The following AFF2 variants were observed in gnomAD, a reference collection of about 807,000 sequenced individuals.
AFF2 encodes the protein ALF transcription elongation factor 2.
Under a neutral mutation model 76.9 loss-of-function variants are expected in AFF2, and 14 were observed. The ratio of observed to expected loss-of-function variants is 0.18; its 90% confidence interval spans 0.12 to 0.28. The LOEUF (loss-of-function observed/expected upper bound fraction) is 0.28. Among genes scored for constraint, AFF2 ranks in the 10% least tolerant of loss-of-function variants. The pLI, the probability that AFF2 is intolerant of heterozygous loss-of-function variation, is 1.00. For missense variants in AFF2, 868 were observed against 1,001.1 expected (o/e 0.87, Z 1.79); for synonymous variants, 398 against 366.7 (o/e 1.09, Z -0.98).
chrX:148,680,514 CG>C (rs1603275599), intron 3 of AFF2, among the ~76,000 whole-genome samples: 1 of 110,392 alleles, frequency 9.1e-6, no homozygotes, highest in Non-Finnish European at 1.9e-5. Context: ...AGCGTGGTTT[CG>C]GTAGGTAACA....
intron 3 of AFF2, among the ~76,000 whole-genome samples, chrX:148,746,640 T>C (rs2055423580): frequency 8.9e-6 from 1 of 112,698 alleles, no homozygotes; most frequent in African/African-American, 3.2e-5. Flanking sequence ...TTTTGTCAAT[T>C]CTCCCATTCA....
chrX:148,651,773 T>A (rs181035565), intron 1 of AFF2, among the ~76,000 whole-genome samples: 1 of 111,451 alleles, frequency 9.0e-6, no homozygotes, highest in African/African-American at 3.3e-5. Context: ...GTCATGAATA[T>A]CATTTCAAAT....
chrX:148,940,674 C>T (rs2071823202), intron 9 of AFF2, among the ~76,000 whole-genome samples: 1 of 111,424 alleles, frequency 9.0e-6, no homozygotes, highest in Non-Finnish European at 1.9e-5. Context: ...TCAGGATTGT[C>T]ATTCCTCTTG....
intron 1 of AFF2, among the ~76,000 whole-genome samples, chrX:148,546,657 A>T (rs1285958489): frequency 8.9e-6 from 1 of 112,371 alleles, no homozygotes; most frequent in African/African-American, 3.2e-5. Flanking sequence ...CTGCTTCAAT[A>T]GTATTATAAG....
At chrX:148,824,713 C>T (rs183539517) in intron 4 of AFF2, among the ~76,000 whole-genome samples, 12 of 111,429 alleles carry the variant, frequency 1.1e-4, no homozygotes, top group South Asian at 3.7e-4. Flanking sequence ...CATTGGGTTG[C>T]GTGTGGCATG....
In AFF2 at chrX:148,945,781, G is replaced by A. The variant is rs782777166; in HGVS notation, c.1398-7799G>A. 8.3e-4 allele frequency among the ~76,000 whole-genome samples: 93 copies of A among 112,281 alleles called. 1 individual carries two copies. Among genetic ancestry groups the A allele is most frequent in the Non-Finnish European group, 6.4e-4 (34 of 53,257 alleles). The stretch of plus-strand genomic sequence containing the variant: ...GGAAACTGAGACCCTTATGTTAAGT[G>A]CCTAGCCTAAGGTCATACACTGATG... On this transcript the variant is annotated intron_variant, in intron 9 of 20. Coordinates refer to ENST00000370460, the MANE Select transcript of AFF2 (RefSeq NM_002025.4).
At chrX:148,759,038 C>G (rs1233900355) in intron 3 of AFF2, among the ~76,000 whole-genome samples, 2 of 111,764 alleles carry the variant, frequency 1.8e-5, no homozygotes, top group African/African-American at 6.5e-5. Context: ...CCTCCCAAAC[C>G]GCTGGGATTA....
At chrX:148,619,024 G>GA (rs782316595) in intron 1 of AFF2, among the ~76,000 whole-genome samples, 2 of 111,235 alleles carry the variant, frequency 1.8e-5, no homozygotes, top group East Asian at 5.7e-4. Context: ...AAGGACACCA[G>GA]AAAAAATGAG....
chrX:148,836,875 C>A (rs1356616230), intron 4 of AFF2, among the ~76,000 whole-genome samples: 3 of 111,880 alleles, frequency 2.7e-5, no homozygotes, highest in Non-Finnish European at 5.6e-5. Context: ...GAGACTTGAA[C>A]TCACAGATAC....
intron 4 of AFF2, among the ~76,000 whole-genome samples, chrX:148,829,599 A>G (rs782706119): frequency 1.0e-3 from 115 of 112,195 alleles, no homozygotes; most frequent in African/African-American, 3.0e-3. Context: ...ATGTCATGCA[A>G]AACAACTGCT....
intron 3 of AFF2, among the ~76,000 whole-genome samples, chrX:148,721,399 C>G (rs782752571): frequency 3.6e-5 from 4 of 111,976 alleles, no homozygotes; most frequent in Non-Finnish European, 7.5e-5. Flanking sequence ...GGATAATAAT[C>G]GTCTCTACCT....
At chrX:148,802,373 G>C (rs1380935752) in intron 3 of AFF2, among the ~76,000 whole-genome samples, 1 of 111,909 alleles carries the variant, frequency 8.9e-6, no homozygotes, top group Non-Finnish European at 1.9e-5. Context: ...TCTGTATTTT[G>C]AACAAACTGG....
chrX:148,619,380 C>G (rs2053845068), intron 1 of AFF2, among the ~76,000 whole-genome samples: 1 of 111,793 alleles, frequency 8.9e-6, no homozygotes, highest in Non-Finnish European at 1.9e-5. Flanking sequence ...ATAGCTGAGC[C>G]CAGAGGTTGC....
intron 3 of AFF2, among the ~76,000 whole-genome samples, chrX:148,758,970 C>T (rs782706018): frequency 5.4e-5 from 6 of 111,980 alleles, no homozygotes; most frequent in East Asian, 2.8e-4. Flanking sequence ...GACTGGGTTT[C>T]GCCATGTTGG....
chrX:148,603,829 T>C (rs2053649636), intron 1 of AFF2, among the ~76,000 whole-genome samples: 1 of 111,398 alleles, frequency 9.0e-6, no homozygotes, highest in Non-Finnish European at 1.9e-5. Flanking sequence ...CTGCTTCTTT[T>C]TGATTTTCTT....
At chrX:148,525,103 T>G (rs1414188087) in intron 1 of AFF2, among the ~76,000 whole-genome samples, 1 of 112,222 alleles carries the variant, frequency 8.9e-6, no homozygotes, top group Non-Finnish European at 1.9e-5. Context: ...CCTGCTATAT[T>G]GACCCTGCTA....
At chrX:148,804,569 C>T (rs2070102706) in intron 3 of AFF2, among the ~76,000 whole-genome samples, 1 of 112,338 alleles carries the variant, frequency 8.9e-6, no homozygotes, top group Non-Finnish European at 1.9e-5. Flanking sequence ...CCTTGTTTTA[C>T]ATGAAGTATT....
chrX:148,842,485 G>A (rs1395061501), intron 5 of AFF2, among the ~76,000 whole-genome samples: 1 of 112,186 alleles, frequency 8.9e-6, no homozygotes, highest in African/African-American at 3.2e-5. Flanking sequence ...TAGAAAGTTG[G>A]ATCTGTTTCT....
chrX:148,795,270 G>A, intron 3 of AFF2, among the ~76,000 whole-genome samples: 1 of 110,897 alleles, frequency 9.0e-6, no homozygotes, highest in Non-Finnish European at 1.9e-5. Flanking sequence ...TGAATTAAGG[G>A]GTAAATATCT....
Sources: gnomAD v4.1 joint callset for allele counts (sites outside exome capture counted in the v4.1 genomes callset) on GRCh38, gnomAD v4.1.1 for gene constraint, MANE v1.5 for transcripts, NCBI Gene and HGNC (gene_info 2026-07-23, HGNC 2026-07-21) for gene names.